EPS8: variants seen among roughly 807,000 people sequenced by gnomAD.
EPS8 encodes the protein EGFR pathway substrate 8, signaling adaptor, also known as epidermal growth factor receptor kinase substrate 8.
A neutral mutation model predicts 103.8 loss-of-function variants in EPS8; 42 were observed. That is an observed-to-expected ratio of 0.40 (90% confidence interval 0.32 to 0.52). EPS8 has a LOEUF of 0.52. EPS8 is among the 20% of genes least tolerant of loss of function. The probability of loss-of-function intolerance (pLI) is 0.40; values close to 1 mark genes in which losing one functional copy is unlikely to be tolerated. For missense variants in EPS8, 969 were observed against 1,005.1 expected (o/e 0.96, Z 0.49); for synonymous variants, 344 against 344.6 (o/e 1.00, Z 0.02).
chr12:15,770,123 G>C (rs772139811), intron 1 of EPS8, among the ~76,000 whole-genome samples: 1 of 151,164 alleles, frequency 6.6e-6, no homozygotes, highest in African/African-American at 2.4e-5. Flanking sequence ...ATTTTTTGTA[G>C]AGATAGGGTT....
rs533551629 is a variant in EPS8, at chr12:15,733,546, T to C, written c.-21-50574A>G. 3.8e-4 allele frequency among the ~76,000 whole-genome samples: 58 copies of C among 152,160 alleles called. No individual in the cohort carries two copies. Among genetic ancestry groups the C allele is most frequent in the Middle Eastern group, 3.4e-3 (1 of 294 alleles). ...CTTTAAAAAGCCTAGATATACCTTT[T>C]GTGAGATGAAGAAAGAATAAAAGGA... On this transcript the variant is annotated intron_variant, in intron 1 of 20. Transcript: ENST00000281172. This position sits in a 1 kb window ranked among gnomAD's most constrained non-coding sequence, Gnocchi z 4.8.
rs1946870824 is a variant in EPS8 at position 15,745,918 on chromosome 12, C to T, written c.-22+43243G>A. Among the ~76,000 whole-genome samples the T allele has an allele frequency of 6.6e-6, 1 of 152,198 alleles. No individual in the cohort carries two copies. Among genetic ancestry groups the T allele is most frequent in the African/African-American group, 2.4e-5 (1 of 41,442 alleles). ...TTACTATCATGACAATAAATGCGAT[C>T]ATGCCATAAAATCTCACAAAGCCTT... On this transcript the variant is annotated intron_variant, in intron 1 of 20. Coordinates refer to ENST00000281172, the MANE Select transcript of EPS8 (RefSeq NM_004447.6). This position sits in a 1 kb window ranked among gnomAD's most constrained non-coding sequence, Gnocchi z 4.6.
intron 1 of EPS8, among the ~76,000 whole-genome samples, chr12:15,707,616 C>T (rs1213769200): frequency 6.6e-6 from 1 of 152,010 alleles, no homozygotes; most frequent in East Asian, 1.9e-4. Flanking sequence ...AAGTCTTCCT[C>T]TGGTATCGCC....
At chr12:15,763,678 T>C (rs1947064348) in intron 1 of EPS8, among the ~76,000 whole-genome samples, 1 of 152,198 alleles carries the variant, frequency 6.6e-6, no homozygotes, top group Non-Finnish European at 1.5e-5. Flanking sequence ...CCCAAGGCTA[T>C]ATATGCACAC....
At chr12:15,657,371 A>G (rs1239733805) in intron 12 of EPS8, among the ~76,000 whole-genome samples, 1 of 152,204 alleles carries the variant, frequency 6.6e-6, no homozygotes, top group African/African-American at 2.4e-5. Context: ...TCCCACACAC[A>G]TAGACACATG....
chr12:15,737,550 G>A (rs1034252498), intron 1 of EPS8, among the ~76,000 whole-genome samples: 3 of 152,066 alleles, frequency 2.0e-5, no homozygotes, highest in Non-Finnish European at 2.9e-5. Flanking sequence ...TCCTCACAAT[G>A]ACCCTATGAG....
At chr12:15,636,779 T>C (rs552964555) in intron 17 of EPS8, among the ~76,000 whole-genome samples, 2 of 152,332 alleles carry the variant, frequency 1.3e-5, no homozygotes, top group African/African-American at 4.8e-5. Flanking sequence ...AAATGTCCTA[T>C]TCTAAGTAAA....
At chr12:15,634,396 T>C (rs1323087614) in intron 17 of EPS8, among the ~76,000 whole-genome samples, 1 of 152,208 alleles carries the variant, frequency 6.6e-6, no homozygotes, top group Non-Finnish European at 1.5e-5. Flanking sequence ...TACTTTCCTA[T>C]TGATAATTAA....
At chr12:15,732,337 T>C (rs1018040029) in intron 1 of EPS8, among the ~76,000 whole-genome samples, 1 of 152,208 alleles carries the variant, frequency 6.6e-6, no homozygotes, top group Non-Finnish European at 1.5e-5. Flanking sequence ...CACATAATTA[T>C]GGTGATAATG....
chr12:15,673,936 T>A (rs1342849810), intron 3 of EPS8, among the ~76,000 whole-genome samples: 3 of 152,180 alleles, frequency 2.0e-5, no homozygotes, highest in African/African-American at 7.2e-5. Context: ...GTCTATTAGC[T>A]TTTATGTCAT....
chr12:15,651,835 T>C (rs1945420294), intron 13 of EPS8, among the ~76,000 whole-genome samples: 4 of 152,322 alleles, frequency 2.6e-5, no homozygotes, highest in African/African-American at 7.2e-5. Flanking sequence ...TTTAAATCAG[T>C]CAGTACATTC....
chr12:15,632,920 G>A (rs1342050692), intron 17 of EPS8, among the ~76,000 whole-genome samples: 4 of 152,164 alleles, frequency 2.6e-5, no homozygotes. Context: ...TCACTGACCA[G>A]TGGGATGGGG....
At chr12:15,633,067 T>C (rs1591804856) in intron 17 of EPS8, among the ~76,000 whole-genome samples, 1 of 151,870 alleles carries the variant, frequency 6.6e-6, no homozygotes, top group African/African-American at 2.4e-5. Flanking sequence ...GAGTAAAGGG[T>C]AAGATTCTCA....
chr12:15,678,047 CCGGATCTCAAGCCTGTCT>C (rs1945940269), intron 3 of EPS8, among the ~76,000 whole-genome samples: 1 of 152,152 alleles, frequency 6.6e-6, no homozygotes, highest in Non-Finnish European at 1.5e-5. Flanking sequence ...TCCCATGTGG[CCGGATCTCAAGCCTGTCT>C]CTTTTCCATG....
chr12:15,649,245 A>G (rs377159351), intron 14 of EPS8, among the ~76,000 whole-genome samples: 4 of 152,222 alleles, frequency 2.6e-5, no homozygotes, highest in African/African-American at 9.6e-5. Flanking sequence ...AGCCCAGAAC[A>G]CATTACTCTC....
chr12:15,663,787 T>A (rs1172283898), intron 8 of EPS8, among the ~76,000 whole-genome samples: 1 of 151,046 alleles, frequency 6.6e-6, no homozygotes, highest in Non-Finnish European at 1.5e-5. Context: ...CCAGGTATGG[T>A]GGCACACGCC....
chr12:15,643,828 G>C (rs1431362996), intron 15 of EPS8, among the ~76,000 whole-genome samples: 1 of 150,768 alleles, frequency 6.6e-6, no homozygotes, highest in African/African-American at 2.4e-5. Context: ...TTCTGATTAG[G>C]AATAATAGAT....
At chr12:15,629,628 T>C (rs1233587672) in intron 18 of EPS8, among the ~76,000 whole-genome samples, 1 of 152,244 alleles carries the variant, frequency 6.6e-6, no homozygotes, top group Non-Finnish European at 1.5e-5. Context: ...CAGTTGTTTT[T>C]GCTGTACAGA....
In EPS8 at chr12:15,762,072, C is replaced by A. The variant is rs1947047736; in HGVS notation, c.-22+27089G>T. Among the ~76,000 whole-genome samples, 1 of 151,996 alleles carries A rather than the reference C, an allele frequency of 6.6e-6. No homozygotes were observed. The highest frequency in any genetic ancestry group is 1.5e-5 in the Non-Finnish European group (1 of 67,998). ...TAATAATCAGAATATATATAGAGCT[C>A]AAACAACTCTACAAGAAAACATCTA... On this transcript the variant is annotated intron_variant, in intron 1 of 20. Coordinates refer to ENST00000281172, the MANE Select transcript of EPS8 (RefSeq NM_004447.6). The surrounding 1 kb of genome is among the most constrained non-coding windows in gnomAD (Gnocchi z 4.8).
Sources: allele counts gnomAD v4.1 joint callset (sites outside exome capture counted in the v4.1 genomes callset), GRCh38; gene constraint gnomAD v4.1.1; non-coding constraint Gnocchi (gnomAD v3.1); transcripts MANE v1.5; gene names NCBI Gene and HGNC (gene_info 2026-07-23, HGNC 2026-07-21).